Variants in TRHDE observed in about 807,000 individuals in gnomAD.
TRHDE encodes thyrotropin releasing hormone degrading enzyme.
In TRHDE, 72 loss-of-function variants were observed where a neutral mutation model predicts 125.7. The observed-to-expected ratio is 0.57, with a 90% confidence interval of 0.47 to 0.70. The LOEUF is 0.70. Among genes scored for constraint, TRHDE ranks in the 30% least tolerant of loss-of-function variants. The probability of loss-of-function intolerance (pLI) is 0.00; values close to 1 mark genes in which losing one functional copy is unlikely to be tolerated. For missense variants in TRHDE, 1,110 were observed against 1,327.1 expected (o/e 0.84, Z 2.54); for synonymous variants, 509 against 509.1 (o/e 1.00, Z 0.00).
intron 6 of TRHDE, among the ~76,000 whole-genome samples, chr12:72,501,628 T>C (rs1878159129): frequency 6.6e-6 from 1 of 152,122 alleles, no homozygotes; most frequent in Non-Finnish European, 1.5e-5. Flanking sequence ...TCTGGGCTAA[T>C]GAGGGATATT....
chr12:72,571,660 C>G (rs1870737322), intron 10 of TRHDE, among the ~76,000 whole-genome samples: 1 of 151,998 alleles, frequency 6.6e-6, no homozygotes, highest in Non-Finnish European at 1.5e-5. Context: ...TGTTGACTGG[C>G]TATTCAATTA....
chr12:72,240,638 C>T (rs1878459371), intron 2 of TRHDE, among the ~76,000 whole-genome samples: 1 of 151,720 alleles, frequency 6.6e-6, no homozygotes, highest in Non-Finnish European at 1.5e-5. Flanking sequence ...GGCGCGATCT[C>T]GGCTCACTGC....
At chr12:72,237,706 T>C (rs1878361817) in intron 2 of TRHDE, among the ~76,000 whole-genome samples, 1 of 152,158 alleles carries the variant, frequency 6.6e-6, no homozygotes, top group Non-Finnish European at 1.5e-5. Context: ...TGATTGCAAG[T>C]TTCCTGAGGC....
At chr12:72,436,295 A>G (rs917626986) in intron 3 of TRHDE, among the ~76,000 whole-genome samples, 3 of 152,002 alleles carry the variant, frequency 2.0e-5, no homozygotes, top group African/African-American at 7.2e-5. Context: ...GGTTTTTTCC[A>G]GGTCATTAAT....
intron 3 of TRHDE, among the ~76,000 whole-genome samples, chr12:72,459,902 G>A (rs1267353111): frequency 4.6e-5 from 7 of 152,184 alleles, no homozygotes; most frequent in South Asian, 2.1e-4. Flanking sequence ...ACAGGTATGA[G>A]CCACTGTGTC....
At chr12:72,614,758 A>G (rs1754969184) in intron 12 of TRHDE, among the ~76,000 whole-genome samples, 1 of 152,084 alleles carries the variant, frequency 6.6e-6, no homozygotes, top group Non-Finnish European at 1.5e-5. Flanking sequence ...CTCACAGTTA[A>G]ATAGGTTATT....
intron 15 of TRHDE, among the ~76,000 whole-genome samples, chr12:72,641,904 A>G (rs1371188258): frequency 6.6e-6 from 1 of 152,222 alleles, no homozygotes; most frequent in Non-Finnish European, 1.5e-5. Context: ...TTGAAATCCT[A>G]ACCCCCAATA....
chr12:72,197,177 T>C (rs1268100454), intron 2 of TRHDE, among the ~76,000 whole-genome samples: 1 of 152,104 alleles, frequency 6.6e-6, no homozygotes, highest in Non-Finnish European at 1.5e-5. Flanking sequence ...CCTACCTCAT[T>C]GGTAGCTCCT....
intron 2 of TRHDE, among the ~76,000 whole-genome samples, chr12:72,114,439 T>C (rs1038568058): frequency 2.0e-5 from 3 of 152,190 alleles, no homozygotes; most frequent in Admixed American, 1.3e-4. Context: ...TACCATATTC[T>C]TAAAGTAAGT....
At position 72,290,842 on chromosome 12, in the gene TRHDE, A is replaced by G. The variant is rs140752682; in HGVS notation, c.1188+3888A>G. ...GTCCTGAAAGAACTAGGTGGGCGTT[A>G]TGTGGAATTTTTAAACTTACCTTCA... On this transcript the variant is annotated intron_variant, in intron 2 of 18. Transcript: ENST00000261180. Among the ~76,000 whole-genome samples, 23 of 152,336 alleles carry G rather than the reference A, an allele frequency of 1.5e-4. No individual in the cohort carries two copies. In the East Asian group the frequency reaches 3.9e-3, roughly 26 times the overall value.
At chr12:72,110,311 TACA>T (rs1566221074) in intron 2 of TRHDE, among the ~76,000 whole-genome samples, 1 of 152,110 alleles carries the variant, frequency 6.6e-6, no homozygotes, top group African/African-American at 2.4e-5. Flanking sequence ...ATTTCATTCC[TACA>T]ACAGTCAGGT....
chr12:72,430,365 ATATACG>A lies in TRHDE; in HGVS notation c.1316-39388_1316-39383del, dbSNP rs1220823839. On this transcript the variant is annotated intron_variant, in intron 3 of 18. Coordinates refer to ENST00000261180, the MANE Select transcript of TRHDE (RefSeq NM_013381.3). ...TATATACATGTATACATATATACAT[ATATACG>A]TATATATACATGTATATATATACAC... Among the ~76,000 whole-genome samples the A allele has an allele frequency of 5.2e-4, 74 of 142,802 alleles. 1 individual carries two copies. The highest frequency in any genetic ancestry group is 1.9e-3 in the African/African-American group (73 of 37,816). The allele number at this position is 142,802 out of a possible 152,430, so 93.7% of individuals were successfully genotyped here. A position where few individuals can be genotyped will look rare whatever the true frequency, so the allele number is the denominator to read the frequency against.
At chr12:72,528,059 G>A (rs1381303176) in intron 6 of TRHDE, among the ~76,000 whole-genome samples, 1 of 152,018 alleles carries the variant, frequency 6.6e-6, no homozygotes, top group Non-Finnish European at 1.5e-5. Flanking sequence ...TACTTAAGTT[G>A]CTACCATTCA....
intron 3 of TRHDE, among the ~76,000 whole-genome samples, chr12:72,379,347 G>A (rs570191820): frequency 2.6e-5 from 4 of 152,214 alleles, no homozygotes; most frequent in East Asian, 1.9e-4. Context: ...ATTTTAAACC[G>A]GATCAATGTT....
intron 3 of TRHDE, among the ~76,000 whole-genome samples, chr12:72,453,472 A>G (rs1292358022): frequency 6.6e-6 from 1 of 152,248 alleles, no homozygotes; most frequent in African/African-American, 2.4e-5. Flanking sequence ...AAAGAGAAGT[A>G]GAATGTAAAT....
intron 7 of TRHDE, among the ~76,000 whole-genome samples, chr12:72,543,268 G>A (rs1869242820): frequency 6.6e-6 from 1 of 151,398 alleles, no homozygotes; most frequent in Non-Finnish European, 1.5e-5. Context: ...CAAGGCAAGA[G>A]TTAACTATGT....
In TRHDE at chr12:72,520,083, G is replaced by A. The variant is rs1879106518; in HGVS notation, c.1722+20448G>A. Among the ~76,000 whole-genome samples, 3 of 152,224 alleles carry A rather than the reference G, an allele frequency of 2.0e-5. No individual in the cohort carries two copies. The South Asian group carries it at 6.2e-4, about 32-fold the overall frequency. On this transcript the variant is annotated intron_variant, in intron 6 of 18. Coordinates refer to ENST00000261180, the MANE Select transcript of TRHDE (RefSeq NM_013381.3). ...GACACTTAAGTCTGCAGAGGTTACT[G>A]CTGTCTTTTTGTTTGTCTGTGCCCT...
chr12:72,327,627 T>C lies in TRHDE; in HGVS notation c.1188+40673T>C, dbSNP rs150054791. Among the ~76,000 whole-genome samples, 39 of 152,278 alleles carry C rather than the reference T, an allele frequency of 2.6e-4. No individual in the cohort carries two copies. The South Asian group carries it at 5.8e-3, about 23-fold the overall frequency. On this transcript the variant is annotated intron_variant, in intron 2 of 18. Coordinates refer to ENST00000261180, the MANE Select transcript of TRHDE (RefSeq NM_013381.3). ...GATCACAATTAAGAGAAGTTGTGTA[T>C]CATTTTAGGAGATTTTTTTAGGAAA...
chr12:72,554,197 T>A (rs1565788157), intron 7 of TRHDE, among the ~76,000 whole-genome samples: 1 of 152,124 alleles, frequency 6.6e-6, no homozygotes, highest in Non-Finnish European at 1.5e-5. Flanking sequence ...TGGCTTCTCT[T>A]GGAGGGAAGA....
Sources: allele counts gnomAD v4.1 joint callset (sites outside exome capture counted in the v4.1 genomes callset), GRCh38; gene constraint gnomAD v4.1.1; transcripts MANE v1.5; gene names NCBI Gene and HGNC (gene_info 2026-07-23, HGNC 2026-07-21).